DNAH9: variants seen among roughly 807,000 people sequenced by gnomAD.
DNAH9 encodes the protein dynein axonemal heavy chain 9, also known as DNAH9 variant protein.
A neutral mutation model predicts 471.6 loss-of-function variants in DNAH9; 345 were observed. That is an observed-to-expected ratio of 0.73 (90% CI 0.67 to 0.80). DNAH9 has a LOEUF of 0.80. Ranked by LOEUF, DNAH9 falls within the 30% of genes least tolerant of loss-of-function variation. The pLI, the probability that DNAH9 is intolerant of heterozygous loss-of-function variation, is 0.00. For missense variants in DNAH9, 5,407 were observed against 5,609.2 expected (o/e 0.96, Z 1.15); for synonymous variants, 2,093 against 2,123.6 (o/e 0.99, Z 0.40).
intron 45 of DNAH9, among the ~76,000 whole-genome samples, chr17:11,820,286 A>G (rs1182814967): frequency 2.0e-5 from 3 of 151,364 alleles, no homozygotes; most frequent in South Asian, 2.1e-4. Context: ...TAATTTATAC[A>G]TATTTAGTTG....
At chr17:11,835,673 G>A (rs1970827063) in intron 49 of DNAH9, among the ~76,000 whole-genome samples, 1 of 152,220 alleles carries the variant, frequency 6.6e-6, no homozygotes, top group South Asian at 2.1e-4. Flanking sequence ...CTTTTCTGTT[G>A]AGATGCTCAC....
chr17:11,701,205 A>C lies in DNAH9; in HGVS notation c.5109A>C (p.Glu1703Asp), dbSNP rs1385936335. 2 of 1,614,042 alleles carry C rather than the reference A, an allele frequency of 1.2e-6. No homozygotes were observed. Among genetic ancestry groups the C allele is most frequent in the Non-Finnish European group, 1.7e-6 (2 of 1,180,006 alleles). Reference protein sequence around the residue: ...HEMTEGVTAYEEKPREQWLFD... With the variant: ...HEMTEGVTAYDEKPREQWLFD... ...TGACAGAAGGTGTAACTGCCTATGA[A>C]GAAAAGCCGAGGGAGCAGTGGCTTT... The change falls in exon 24 of 69, where the codon GAA (glutamate) becomes GAC (aspartate). Residue 1703 changes from glutamate to aspartate, a missense_variant. By Grantham distance (45) the Glu-to-Asp change is conservative. Transcript: ENST00000262442.
chr17:11,947,230 T>C (rs1490437673), intron 67 of DNAH9, among the ~76,000 whole-genome samples: 3 of 152,230 alleles, frequency 2.0e-5, no homozygotes, highest in East Asian at 3.8e-4. Context: ...GGAAGGGGTA[T>C]TGACTTTCAC....
chr17:11,704,478 G>C, intron 25 of DNAH9, 36 bp downstream of exon 25: 1 of 1,603,116 alleles, frequency 6.2e-7, no homozygotes. Flanking sequence ...CCACTTTTGT[G>C]TACAGCTACA....
chr17:11,833,126 A>G (rs137986161), intron 48 of DNAH9, among the ~76,000 whole-genome samples: 2 of 152,310 alleles, frequency 1.3e-5, no homozygotes, highest in Admixed American at 6.5e-5. Context: ...TAGATAGAAA[A>G]TCATCCTTCT....
intron 45 of DNAH9, among the ~76,000 whole-genome samples, chr17:11,818,298 G>C (rs144262935): frequency 1.3e-5 from 2 of 152,050 alleles, no homozygotes; most frequent in African/African-American, 2.4e-5. Context: ...GCATGGTGGT[G>C]TGCACCTGTA....
chr17:11,640,324 C>G lies in DNAH9; in HGVS notation c.1841C>G (p.Ala614Gly). ...MPTVAGGLRW[A>G]QELRQRIQGP... ...ACCGTGGCTGGCGGCCTCCGCTGGGCACAGGAGCTGAGGCAGCGCATCCAG... is the reference window on the plus strand; with the variant it reads ...ACCGTGGCTGGCGGCCTCCGCTGGGGACAGGAGCTGAGGCAGCGCATCCAG... The change falls in exon 10 of 69, where the codon GCA becomes GGA. Residue 614 changes from alanine (A) to glycine (G), a missense_variant. By Grantham distance (60) the Ala-to-Gly change is moderately conservative. Coordinates refer to ENST00000262442, the MANE Select transcript of DNAH9 (RefSeq NM_001372.4). 1 of 1,614,048 alleles carries G rather than the reference C, an allele frequency of 6.2e-7. No homozygotes were observed.
chr17:11,612,052 T>C (rs1428582378), intron 4 of DNAH9: 5 of 594,482 alleles, frequency 8.4e-6, no homozygotes, highest in Middle Eastern at 4.4e-4. Context: ...GGCATACACT[T>C]CTGCCTACTT....
chr17:11,752,898 C>T lies in DNAH9; in HGVS notation c.6676C>T (p.Leu2226=). 1 of 1,609,134 alleles carries T rather than the reference C, an allele frequency of 6.2e-7. No homozygotes were observed. The highest frequency in any genetic ancestry group is 1.3e-5 in the African/African-American group (1 of 74,886). Residue 2226 remains leucine (L), a synonymous_variant, in exon 33 of 69, where the codon CTG becomes TTG. Transcript: ENST00000262442. ...CCATGATGGGCCCAAGTGGATTTTA[C>T]TGGATGGCGACATAGATCCAATGTG... is the stretch of plus-strand genomic sequence containing the variant. The part of the protein sequence containing the change: ...ITHDGPKWIL[L]DGDIDPMWIE...
chr17:11,689,866 G>A lies in DNAH9; in HGVS notation c.4044G>A (p.Lys1348=), dbSNP rs760767900. 5.0e-6 allele frequency: 8 copies of A among 1,609,860 alleles called. No homozygotes were observed. Among genetic ancestry groups the A allele is most frequent in the Non-Finnish European group, 5.9e-6 (7 of 1,177,728 alleles). ...CCCGGCATATCCGAAACCTGGACAA[G>A]GAGGTCAGGGCCTGGGATGCATTCA... is the stretch of plus-strand genomic sequence containing the variant. The part of the protein sequence containing the change: ...QFARHIRNLD[K]EVRAWDAFTG... Residue 1348 remains lysine (K), a synonymous_variant, in exon 20 of 69, where the codon AAG becomes AAA. Coordinates refer to ENST00000262442, the MANE Select transcript of DNAH9 (RefSeq NM_001372.4).
intron 3 of DNAH9, 51 bp downstream of exon 3, chr17:11,610,605 G>A (rs2072614418): frequency 1.3e-6 from 2 of 1,577,604 alleles, no homozygotes; most frequent in Non-Finnish European, 1.7e-6. Context: ...GTCTTACAGA[G>A]ACTAAAGCTA....
Position 11,636,674 on chromosome 17 carries a change from T to C in DNAH9, c.1676T>C (p.Val559Ala). The C allele has an allele frequency of 1.9e-6, 3 of 1,613,708 alleles. No homozygotes were observed. The highest frequency in any genetic ancestry group is 2.5e-6 in the Non-Finnish European group (3 of 1,179,622). ...IAGNLLERPL[V>A]ARDTSDKYLV... ...GGAAACCTCCTTGAAAGACCGCTGG[T>C]AGCGAGGGATACATCTGATAAATAC... is the stretch of plus-strand genomic sequence containing the variant. Residue 559 changes from valine (V) to alanine (A), a missense_variant, in exon 9 of 69, where the codon GTA (valine) becomes GCA (alanine). Coordinates refer to ENST00000262442, the MANE Select transcript of DNAH9 (RefSeq NM_001372.4).
At position 11,961,975 on chromosome 17, in the gene DNAH9, G is replaced by GC. The variant is rs1406834577; in HGVS notation, c.12953dup (p.Ala4319SerfsTer19). On this transcript the variant is annotated frameshift_variant, in exon 68 of 69. Transcript: ENST00000262442. LOFTEE classifies it high-confidence loss of function. The stretch of plus-strand genomic sequence containing the variant: ...AGCCTACCCTTCCACAGCAGGCCTG[G>GC]CAGCCTGGTTTCCAGACCTCCTCAA... The GC allele has an allele frequency of 8.7e-6, 14 of 1,614,056 alleles. No individual in the cohort carries two copies. The highest frequency in any genetic ancestry group is 1.3e-5 in the African/African-American group (1 of 74,928).
Position 11,644,653 on chromosome 17 carries a change from A to C in DNAH9, c.1924A>C (p.Lys642Gln). Residue 642 changes from lysine (K) to glutamine (Q), a missense_variant, in exon 11 of 69, where the codon AAG becomes CAG. Lys to Gln is a moderately conservative substitution (Grantham distance 53). Transcript: ENST00000262442. ...TAGTTGCATGGAATCTGCAGAAGGA[A>C]AGCGAATGCAACAAAAATATGAAGA... ...THPCMESAEGKRMQQKYEDML... is the reference protein window; with the variant it reads ...THPCMESAEGQRMQQKYEDML... 2 of 1,612,868 alleles carry C rather than the reference A, an allele frequency of 1.2e-6. No individual in the cohort carries two copies. The highest frequency in any genetic ancestry group is 1.7e-6 in the Non-Finnish European group (2 of 1,179,274).
chr17:11,776,153 T>C (rs1597629493), intron 38 of DNAH9, among the ~76,000 whole-genome samples: 3 of 152,328 alleles, frequency 2.0e-5, no homozygotes, highest in East Asian at 3.9e-4. Flanking sequence ...TATTTCAGTA[T>C]GGCTTTTGAC....
At chr17:11,700,536 G>A (rs1027430888) in intron 23 of DNAH9, among the ~76,000 whole-genome samples, 5 of 152,038 alleles carry the variant, frequency 3.3e-5, no homozygotes, top group African/African-American at 1.2e-4. Context: ...AAATGATCCA[G>A]CAAAGCATTG....
intron 43 of DNAH9, among the ~76,000 whole-genome samples, chr17:11,800,374 C>G (rs893086479): frequency 2.0e-5 from 3 of 151,662 alleles, no homozygotes; most frequent in Non-Finnish European, 2.9e-5. Flanking sequence ...CTCTCTCTCT[C>G]TCTCCTTCTC....
At chr17:11,780,076 A>T (rs1379552991) in intron 38 of DNAH9, among the ~76,000 whole-genome samples, 2 of 152,236 alleles carry the variant, frequency 1.3e-5, no homozygotes, top group African/African-American at 4.8e-5. Flanking sequence ...AAAAGTACAG[A>T]TATCTCCACC....
intron 49 of DNAH9, among the ~76,000 whole-genome samples, chr17:11,849,449 C>T (rs552515455): frequency 2.6e-5 from 4 of 152,318 alleles, no homozygotes; most frequent in East Asian, 3.9e-4. Flanking sequence ...CCATGGCCTC[C>T]GGAGCCTCTG....
Sources: allele counts gnomAD v4.1 joint callset (sites outside exome capture counted in the v4.1 genomes callset), GRCh38; gene constraint gnomAD v4.1.1; transcripts MANE v1.5; gene names NCBI Gene and HGNC (gene_info 2026-07-23, HGNC 2026-07-21).